RBFOX1: variants seen among roughly 807,000 people sequenced by gnomAD.
RBFOX1 encodes the protein RNA binding fox-1 homolog 1, also known as RNA binding protein fox-1 homolog 1.
RBFOX1 carries 8 observed loss-of-function variants against 57.7 expected under a neutral mutation model. The observed-to-expected ratio is 0.14, with a 90% CI of 0.08 to 0.25. The LOEUF (loss-of-function observed/expected upper bound fraction) is 0.25, where lower values mean the gene tolerates loss of function less well. RBFOX1 is among the 10% of genes least tolerant of loss of function. The pLI, the probability that RBFOX1 is intolerant of heterozygous loss-of-function variation, is 1.00. For synonymous variants in RBFOX1, 326 were observed against 222.4 expected (o/e 1.47, Z -4.15); for missense variants, 611 against 548.5 (o/e 1.11, Z -1.14).
chr16:5,378,361 C>G lies in RBFOX1; in HGVS notation c.220-88855C>G, dbSNP rs957450476. Among the ~76,000 whole-genome samples, 37 of 151,556 alleles carry G rather than the reference C, an allele frequency of 2.4e-4. 3 individuals are homozygous for G. Among genetic ancestry groups the G allele is most frequent in the African/African-American group, 8.8e-4 (36 of 40,794 alleles). On this transcript the variant is annotated intron_variant, in intron 1 of 2. Coordinates refer to the RBFOX1 transcript ENST00000585867. ...GACTCTCGCTCTCCAACACCTGCATCCATAGTTGCCATCCTCGTTTCCACT... is the reference window on the plus strand; with the variant it reads ...GACTCTCGCTCTCCAACACCTGCATGCATAGTTGCCATCCTCGTTTCCACT...
At chr16:5,805,004 G>T (rs890580779) in intron 3 of RBFOX1, among the ~76,000 whole-genome samples, 9 of 152,096 alleles carry the variant, frequency 5.9e-5, no homozygotes, top group Non-Finnish European at 1.2e-4. Context: ...AGTGCAAAGG[G>T]CTGCTGTGAC....
chr16:6,552,852 G>A (rs769115826), intron 2 of RBFOX1, among the ~76,000 whole-genome samples: 5 of 151,890 alleles, frequency 3.3e-5, no homozygotes, highest in Non-Finnish European at 5.9e-5. Context: ...TATAGAGTAT[G>A]TCTGGCAGTA....
intron 14 of RBFOX1, among the ~76,000 whole-genome samples, chr16:7,698,884 G>T (rs990058924): frequency 6.6e-6 from 1 of 152,156 alleles, no homozygotes; most frequent in African/African-American, 2.4e-5. Context: ...TAAAGTGTGT[G>T]CAATCAATTT....
intron 4 of RBFOX1, among the ~76,000 whole-genome samples, chr16:7,461,745 G>T (rs1403281407): frequency 1.3e-5 from 2 of 152,142 alleles, no homozygotes; most frequent in Non-Finnish European, 2.9e-5. Flanking sequence ...GCTCACAGAG[G>T]TTAAGAGTTT....
chr16:6,672,704 T>G (rs759649483), intron 3 of RBFOX1, among the ~76,000 whole-genome samples: 2 of 152,120 alleles, frequency 1.3e-5, no homozygotes, highest in Non-Finnish European at 2.9e-5. Flanking sequence ...CTTTTCTGCT[T>G]TTCTTGGGTT....
intron 4 of RBFOX1, among the ~76,000 whole-genome samples, chr16:5,936,853 A>G (rs563838367): frequency 6.6e-6 from 1 of 152,324 alleles, no homozygotes; most frequent in African/African-American, 2.4e-5. Context: ...AAAGCCAGCC[A>G]TCTGGGTATC....
At chr16:7,693,243 C>A in intron 14 of RBFOX1, 1 of 1,324,444 alleles carries the variant, frequency 7.6e-7, no homozygotes, top group Non-Finnish European at 1.1e-6. Context: ...CATCTGTACA[C>A]ATCGAAGCAA....
chr16:6,965,956 TA>T (rs1248078401), intron 3 of RBFOX1, among the ~76,000 whole-genome samples: 1 of 152,148 alleles, frequency 6.6e-6, no homozygotes, highest in African/African-American at 2.4e-5. Context: ...GCCAGGTTTT[TA>T]ATGGATTCAC....
At chr16:5,661,122 C>T (rs2049633676) in intron 3 of RBFOX1, among the ~76,000 whole-genome samples, 2 of 152,284 alleles carry the variant, frequency 1.3e-5, no homozygotes, top group South Asian at 2.1e-4. Context: ...ACTTAAAAGG[C>T]CTCCTGTCTT....
At chr16:6,806,838 T>TATAAATATATATA (rs1567331467) in intron 3 of RBFOX1, among the ~76,000 whole-genome samples, 2 of 48,100 alleles carry the variant, frequency 4.2e-5, no homozygotes, top group Non-Finnish European at 8.0e-5. Flanking sequence ...ATATATATAT[T>TATAAATATATATA]TTTTTTTTTT....
intron 4 of RBFOX1, among the ~76,000 whole-genome samples, chr16:7,390,953 G>T (rs752790454): frequency 9.2e-5 from 14 of 152,028 alleles, no homozygotes; most frequent in Admixed American, 3.9e-4. Context: ...TGCCTGTTTT[G>T]CTTGTGTGGC....
At chr16:6,101,238 C>G (rs1597318783) in intron 1 of RBFOX1, among the ~76,000 whole-genome samples, 1 of 152,280 alleles carries the variant, frequency 6.6e-6, no homozygotes, top group African/African-American at 2.4e-5. Flanking sequence ...CTTCTCTGTC[C>G]TCAAAACAGC....
At chr16:5,457,964 C>A (rs2068680547) in intron 1 of RBFOX1, among the ~76,000 whole-genome samples, 1 of 152,160 alleles carries the variant, frequency 6.6e-6, no homozygotes, top group Non-Finnish European at 1.5e-5. Context: ...AAGATGAGAA[C>A]TCTGACCCAC....
chr16:7,083,186 G>T (rs80263948), intron 4 of RBFOX1, among the ~76,000 whole-genome samples: 1 of 151,992 alleles, frequency 6.6e-6, no homozygotes, highest in Non-Finnish European at 1.5e-5. Context: ...CCCCCGAGGG[G>T]ACAGTCCACG....
At chr16:6,965,489 A>G (rs958573300) in intron 3 of RBFOX1, among the ~76,000 whole-genome samples, 1 of 152,030 alleles carries the variant, frequency 6.6e-6, no homozygotes, top group Non-Finnish European at 1.5e-5. Flanking sequence ...GGCGTGCGCC[A>G]CCATGCCTGG....
intron 3 of RBFOX1, among the ~76,000 whole-genome samples, chr16:6,694,499 G>A (rs2060724456): frequency 6.6e-6 from 1 of 152,162 alleles, no homozygotes; most frequent in African/African-American, 2.4e-5. Flanking sequence ...CCTGACCCAA[G>A]GAAATTCCTA....
At chr16:6,659,009 G>T (rs568022398) in intron 3 of RBFOX1, among the ~76,000 whole-genome samples, 7 of 151,862 alleles carry the variant, frequency 4.6e-5, no homozygotes, top group East Asian at 3.9e-4. Context: ...AAGGTGACGG[G>T]AGGTAACCCA....
chr16:5,892,409 A>G (rs570161916), intron 4 of RBFOX1, among the ~76,000 whole-genome samples: 2 of 152,226 alleles, frequency 1.3e-5, no homozygotes, highest in African/African-American at 4.8e-5. Context: ...GTATCTCTTT[A>G]TATGCCTCAG....
At chr16:6,890,122 A>G (rs1046569295) in intron 3 of RBFOX1, among the ~76,000 whole-genome samples, 1 of 152,260 alleles carries the variant, frequency 6.6e-6, no homozygotes, top group Non-Finnish European at 1.5e-5. Flanking sequence ...AATAAATAAT[A>G]TAGGTGGTAA....
Sources: gnomAD v4.1 joint callset for allele counts (sites outside exome capture counted in the v4.1 genomes callset) on GRCh38, gnomAD v4.1.1 for gene constraint, MANE v1.5 for transcripts, NCBI Gene and HGNC (gene_info 2026-07-23, HGNC 2026-07-21) for gene names.